Variants in PSMB7 observed in about 807,000 individuals in gnomAD.
PSMB7 encodes proteasome 20S subunit beta 7.
In PSMB7, 5 loss-of-function variants were observed where a neutral mutation model predicts 28.1. The ratio of observed to expected loss-of-function variants is 0.18; its 90% CI spans 0.09 to 0.37. The LOEUF is 0.37. Ranked by LOEUF, PSMB7 falls within the 10% of genes least tolerant of loss-of-function variation. The pLI, the probability that PSMB7 is intolerant of heterozygous loss-of-function variation, is 1.00. For missense variants in PSMB7, 275 were observed against 346.2 expected, an observed-to-expected ratio of 0.79 and a Z score of 1.63; for synonymous variants, 122 against 123.7, an observed-to-expected ratio of 0.99 and a Z score of 0.09.
intron 6 of PSMB7, among the ~76,000 whole-genome samples, chr9:124,373,818 C>T (rs551898509): frequency 6.4e-4 from 97 of 152,296 alleles, no homozygotes; most frequent in African/African-American, 1.9e-3. Flanking sequence ...GTGGCACAGA[C>T]GCTTTGGAAA....
intron 3 of PSMB7, 63 bp from the exon 4 acceptor site, chr9:124,412,555 T>C: frequency 1.3e-6 from 2 of 1,565,664 alleles, no homozygotes; most frequent in Non-Finnish European, 1.8e-6. Flanking sequence ...TTAGAAGTAA[T>C]GGGTTCTTGG....
chr9:124,383,663 G>A (rs938859232), intron 6 of PSMB7: 5 of 152,148 alleles, frequency 3.3e-5, no homozygotes, highest in African/African-American at 1.2e-4. Flanking sequence ...CTGTCAAAAA[G>A]CAATTCCCAG....
intron 7 of PSMB7, 133 bp from the exon 8 acceptor site, chr9:124,353,842 C>A: frequency 1.4e-6 from 1 of 702,816 alleles, no homozygotes; most frequent in South Asian, 1.6e-5. Flanking sequence ...CCGATCCCAG[C>A]TCTGTGATCT....
intron 3 of PSMB7, 112 bp from the exon 4 acceptor site, chr9:124,412,604 G>C: frequency 9.0e-7 from 1 of 1,109,316 alleles, no homozygotes; most frequent in Non-Finnish European, 1.3e-6. Flanking sequence ...AGATGTTTTT[G>C]AGTATATCTA....
At chr9:124,361,917 G>A (rs1030398848) in intron 6 of PSMB7, among the ~76,000 whole-genome samples, 4 of 152,214 alleles carry the variant, frequency 2.6e-5, no homozygotes, top group Non-Finnish European at 5.9e-5. Flanking sequence ...TCTCACTTAA[G>A]TGATTTTTAG....
At chr9:124,362,740 T>A (rs1041394945) in intron 6 of PSMB7, among the ~76,000 whole-genome samples, 3 of 149,248 alleles carry the variant, frequency 2.0e-5, no homozygotes, top group Non-Finnish European at 3.0e-5. Flanking sequence ...AAAAAAAAAA[T>A]TTGAGGTAAT....
chr9:124,356,125 A>T lies in PSMB7; in HGVS notation c.722+639T>A, dbSNP rs527475508. Among the ~76,000 whole-genome samples, 1 of 152,166 alleles carries T rather than the reference A, an allele frequency of 6.6e-6. No individual in the cohort carries two copies. Among genetic ancestry groups the T allele is most frequent in the South Asian group, 2.1e-4 (1 of 4,832 alleles). On this transcript the variant is annotated intron_variant, in intron 7 of 7. Transcript: ENST00000259457. This position sits in a 1 kb window ranked among gnomAD's most constrained non-coding sequence, Gnocchi z 4.4. The stretch of plus-strand genomic sequence containing the variant: ...CACAGGATGGTCAAGCAGCCGGACA[A>T]TCACGAGACACTGCAAACGAGCTGC...
At chr9:124,410,938 T>C (rs1831021987) in intron 4 of PSMB7, among the ~76,000 whole-genome samples, 1 of 152,168 alleles carries the variant, frequency 6.6e-6, no homozygotes, top group Non-Finnish European at 1.5e-5. Flanking sequence ...TACGGCCACA[T>C]GTTTCCAATG....
At chr9:124,393,750 T>G (rs970505620) in intron 5 of PSMB7, among the ~76,000 whole-genome samples, 8 of 152,240 alleles carry the variant, frequency 5.3e-5, no homozygotes, top group African/African-American at 1.9e-4. Flanking sequence ...CAGAAAAGAC[T>G]AACAATCACG....
At chr9:124,370,157 A>T (rs1830546640) in intron 6 of PSMB7, among the ~76,000 whole-genome samples, 1 of 151,634 alleles carries the variant, frequency 6.6e-6, no homozygotes, top group Non-Finnish European at 1.5e-5. Context: ...ATGCCAAGAA[A>T]CTTCCCCTAT....
intron 5 of PSMB7, among the ~76,000 whole-genome samples, chr9:124,388,598 T>C (rs1406861727): frequency 6.6e-6 from 1 of 152,212 alleles, no homozygotes; most frequent in African/African-American, 2.4e-5. Flanking sequence ...TGACCCTATG[T>C]CGCGCTCTCA....
chr9:124,366,280 A>C (rs1247640587), intron 6 of PSMB7, among the ~76,000 whole-genome samples: 1 of 152,034 alleles, frequency 6.6e-6, no homozygotes, highest in African/African-American at 2.4e-5. Context: ...GGGCGTGGTG[A>C]TGCGAGCCTG....
intron 6 of PSMB7, among the ~76,000 whole-genome samples, chr9:124,376,657 G>C (rs1830611841): frequency 6.6e-6 from 1 of 152,182 alleles, no homozygotes; most frequent in Admixed American, 6.5e-5. Context: ...TCCCAGTCTT[G>C]TTAAAGAATT....
intron 5 of PSMB7, among the ~76,000 whole-genome samples, chr9:124,399,994 C>G (rs550598156): frequency 2.2e-4 from 33 of 152,200 alleles, no homozygotes; most frequent in Non-Finnish European, 4.1e-4. Flanking sequence ...GCGTCTGGAC[C>G]CCCGAGGCCT....
chr9:124,403,564 T>C (rs552061872), intron 5 of PSMB7, among the ~76,000 whole-genome samples: 1 of 152,126 alleles, frequency 6.6e-6, no homozygotes, highest in South Asian at 2.1e-4. Context: ...AAAACATAAA[T>C]GCAAAAAGCT....
intron 6 of PSMB7, among the ~76,000 whole-genome samples, chr9:124,371,387 A>ATTT (rs61457423): frequency 8.9e-4 from 136 of 152,310 alleles, no homozygotes; most frequent in Non-Finnish European, 1.4e-3. Context: ...CTAACCACAG[A>ATTT]CGACCTCTTG....
intron 3 of PSMB7, among the ~76,000 whole-genome samples, chr9:124,413,153 C>CAAAAAA (rs61132576): frequency 4.2e-5 from 2 of 47,244 alleles, no homozygotes; most frequent in African/African-American, 1.9e-4. Flanking sequence ...GCATCTCTCC[C>CAAAAAA]AAAAAAAAAA....
At chr9:124,371,416 A>G (rs1156855751) in intron 6 of PSMB7, among the ~76,000 whole-genome samples, 1 of 152,196 alleles carries the variant, frequency 6.6e-6, no homozygotes, top group Non-Finnish European at 1.5e-5. Flanking sequence ...ACAGAGCCTC[A>G]CTTTTGATGG....
chr9:124,353,749 C>T, intron 7 of PSMB7, 40 bp from the exon 8 acceptor site: 1 of 1,438,314 alleles, frequency 7.0e-7, no homozygotes, highest in Non-Finnish European at 9.8e-7. Flanking sequence ...TAGGATTCTC[C>T]TCAAGGTGCC....
Sources: allele counts gnomAD v4.1 joint callset (sites outside exome capture counted in the v4.1 genomes callset), GRCh38; gene constraint gnomAD v4.1.1; non-coding constraint Gnocchi (gnomAD v3.1); transcripts MANE v1.5; gene names NCBI Gene and HGNC (gene_info 2026-07-23, HGNC 2026-07-21).